The following DNAH12 variants were observed in gnomAD, a reference collection of about 807,000 sequenced individuals.
DNAH12 encodes dynein axonemal heavy chain 12.
In DNAH12, 285 loss-of-function variants were observed where a neutral mutation model predicts 371.5. That is an observed-to-expected ratio of 0.77 (90% CI 0.70 to 0.85). DNAH12 has a LOEUF of 0.85. Ranked by LOEUF, DNAH12 falls within the 40% of genes least tolerant of loss-of-function variation. The pLI, the probability that DNAH12 is intolerant of heterozygous loss-of-function variation, is 0.00. For missense variants in DNAH12, 3,611 were observed against 3,689.4 expected, an observed-to-expected ratio of 0.98 and a Z score of 0.55; for synonymous variants, 1,200 against 1,213.0, an observed-to-expected ratio of 0.99 and a Z score of 0.22.
At chr3:57,420,272 A>G (rs2064527336) in intron 36 of DNAH12, among the ~76,000 whole-genome samples, 1 of 152,104 alleles carries the variant, frequency 6.6e-6, no homozygotes. Flanking sequence ...TAAGTAAAAA[A>G]AGTTTTAATA....
At chr3:57,499,647 A>AAAAT (rs1451248906) in intron 11 of DNAH12, among the ~76,000 whole-genome samples, 47 of 17,942 alleles carry the variant, frequency 2.6e-3, no homozygotes, top group Non-Finnish European at 4.5e-3. Flanking sequence ...AAAAAAAAAA[A>AAAAT]ATATATATAT....
intron 35 of DNAH12, 150 bp from the exon 36 acceptor site, chr3:57,421,856 C>T (rs2064592213): frequency 4.3e-6 from 3 of 697,432 alleles, no homozygotes; most frequent in Non-Finnish European, 6.9e-6. Context: ...CACTGCTAAG[C>T]CACATAGTCA....
chr3:57,527,795 G>A (rs2068700297), intron 2 of DNAH12, among the ~76,000 whole-genome samples: 1 of 152,176 alleles, frequency 6.6e-6, no homozygotes, highest in Non-Finnish European at 1.5e-5. Context: ...CTTGTCAGAT[G>A]GGTAGTTTGC....
At chr3:57,385,877 T>C (rs886534766) in intron 47 of DNAH12, among the ~76,000 whole-genome samples, 296 of 151,938 alleles carry the variant, frequency 1.9e-3, no homozygotes, top group African/African-American at 6.8e-3. Context: ...TGACACTCCA[T>C]CTAAAAAAAG....
At chr3:57,359,325 T>C (rs1234774286) in intron 58 of DNAH12, among the ~76,000 whole-genome samples, 3 of 151,598 alleles carry the variant, frequency 2.0e-5, no homozygotes, top group Non-Finnish European at 4.4e-5. Flanking sequence ...TTTGGGAGGC[T>C]GAGGCGGGTG....
chr3:57,451,536 G>A (rs2065754601), intron 25 of DNAH12, among the ~76,000 whole-genome samples: 1 of 152,180 alleles, frequency 6.6e-6, no homozygotes, highest in Admixed American at 6.5e-5. Flanking sequence ...TACTTAGGAG[G>A]CTGAGGTAGG....
chr3:57,500,906 C>T (rs1318380142), intron 11 of DNAH12, among the ~76,000 whole-genome samples: 1 of 152,122 alleles, frequency 6.6e-6, no homozygotes, highest in Non-Finnish European at 1.5e-5. Flanking sequence ...CAGGCATGCA[C>T]CACCATACCT....
intron 69 of DNAH12, among the ~76,000 whole-genome samples, chr3:57,307,434 T>C (rs937334201): frequency 6.6e-6 from 1 of 152,206 alleles, no homozygotes; most frequent in African/African-American, 2.4e-5. Flanking sequence ...GCAGTCAGAA[T>C]TCTTACACAA....
At chr3:57,495,001 CCT>C (rs1393464005) in intron 11 of DNAH12, among the ~76,000 whole-genome samples, 1 of 101,616 alleles carries the variant, frequency 9.8e-6, no homozygotes, top group Admixed American at 1.0e-4. Context: ...AAAGCAAGAC[CCT>C]GTCTCAAAAA....
At chr3:57,479,171 A>G (rs1474911944) in intron 13 of DNAH12, among the ~76,000 whole-genome samples, 2 of 152,130 alleles carry the variant, frequency 1.3e-5, no homozygotes, top group Admixed American at 1.3e-4. Context: ...TGTATTCAGG[A>G]AACCCATCTC....
At chr3:57,481,287 G>A (rs1013404364) in intron 13 of DNAH12, among the ~76,000 whole-genome samples, 1 of 152,102 alleles carries the variant, frequency 6.6e-6, no homozygotes, top group Non-Finnish European at 1.5e-5. Flanking sequence ...CAGACAAACA[G>A]AGAGCCAAAT....
At chr3:57,440,288 C>T (rs1189888743) in intron 29 of DNAH12, among the ~76,000 whole-genome samples, 2 of 152,156 alleles carry the variant, frequency 1.3e-5, no homozygotes, top group African/African-American at 4.8e-5. Context: ...AGGTGCCCAT[C>T]AACAGTAGAT....
chr3:57,483,616 T>TA (rs200332007), intron 12 of DNAH12, 105 bp from the exon 13 acceptor site: 2 of 1,245,264 alleles, frequency 1.6e-6, no homozygotes, highest in Non-Finnish European at 2.1e-6. Context: ...TATGATATCC[T>TA]AAAAAAATTG....
intron 54 of DNAH12, 142 bp downstream of exon 54, chr3:57,375,676 G>A (rs1173829872): frequency 6.6e-6 from 1 of 152,054 alleles, no homozygotes. Flanking sequence ...TTTTACTGAT[G>A]AAACAAGAAG....
chr3:57,325,317 A>AC (rs1212657435), intron 62 of DNAH12, among the ~76,000 whole-genome samples: 1 of 152,180 alleles, frequency 6.6e-6, no homozygotes, highest in Non-Finnish European at 1.5e-5. Flanking sequence ...ACTGGGAGGC[A>AC]CCCCCAAGTA....
chr3:57,294,002 G>C, intron 73 of DNAH12, 31 bp from the exon 74 acceptor site: 1 of 1,412,418 alleles, frequency 7.1e-7, no homozygotes, highest in Non-Finnish European at 9.3e-7. Context: ...ATATTCACTT[G>C]ATAAAGGGAA....
At chr3:57,338,114 G>A (rs1018233455) in intron 60 of DNAH12, among the ~76,000 whole-genome samples, 6 of 152,158 alleles carry the variant, frequency 3.9e-5, no homozygotes, top group African/African-American at 7.2e-5. Context: ...TCGGGCTCCC[G>A]TGATTCTCCT....
intron 39 of DNAH12, among the ~76,000 whole-genome samples, chr3:57,411,751 C>T (rs868937696): frequency 2.0e-5 from 3 of 152,042 alleles, no homozygotes; most frequent in Non-Finnish European, 4.4e-5. Context: ...GATGACAGTC[C>T]TTCCAAACTT....
chr3:57,495,418 G>T (rs930796471), intron 11 of DNAH12, among the ~76,000 whole-genome samples: 5 of 150,390 alleles, frequency 3.3e-5, no homozygotes, highest in African/African-American at 1.2e-4. Flanking sequence ...AACATTAGCT[G>T]GGCGTGGTCA....
Sources: allele counts gnomAD v4.1 joint callset (sites outside exome capture counted in the v4.1 genomes callset), GRCh38; gene constraint gnomAD v4.1.1; transcripts MANE v1.5; gene names NCBI Gene and HGNC (gene_info 2026-07-23, HGNC 2026-07-21).